VRK3: variants seen among roughly 807,000 people sequenced by gnomAD.
The protein encoded by VRK3 is VRK serine/threonine kinase 3.
VRK3 carries 50 observed loss-of-function variants against 60.4 expected under a neutral mutation model. That is an observed-to-expected ratio of 0.83 (90% confidence interval 0.66 to 1.05). VRK3 has a LOEUF of 1.05. Ranked by LOEUF, VRK3 falls within the 50% of genes least tolerant of loss-of-function variation. The pLI is 0.00. For missense variants in VRK3, 549 were observed against 585.3 expected (o/e 0.94, Z 0.64); for synonymous variants, 246 against 227.8 (o/e 1.08, Z -0.72).
chr19:49,977,501 C>T (rs1017234980), intron 14 of VRK3, among the ~76,000 whole-genome samples: 9 of 152,066 alleles, frequency 5.9e-5, no homozygotes, highest in South Asian at 2.1e-4. Flanking sequence ...GTGGCACTGA[C>T]GACGGGAAGC....
At chr19:50,008,205 T>A (rs2076932739) in intron 4 of VRK3, among the ~76,000 whole-genome samples, 1 of 152,088 alleles carries the variant, frequency 6.6e-6, no homozygotes, top group Non-Finnish European at 1.5e-5. Context: ...TGAGGAGAAG[T>A]TTGCCAGGGA....
intron 10 of VRK3, among the ~76,000 whole-genome samples, chr19:49,991,468 G>A (rs1274107698): frequency 6.6e-6 from 1 of 151,780 alleles, no homozygotes; most frequent in African/African-American, 2.4e-5. Flanking sequence ...AAGAATCTCA[G>A]GACTGCTTAG....
At chr19:49,998,049 A>G (rs965903588) in intron 6 of VRK3, 1 of 152,560 alleles carries the variant, frequency 6.6e-6, no homozygotes, top group African/African-American at 2.4e-5. Context: ...TGCGTTGAAA[A>G]TGTTGGTGCA....
chr19:49,988,283 C>A, intron 12 of VRK3, 89 bp downstream of exon 12: 1 of 1,528,324 alleles, frequency 6.5e-7, no homozygotes, highest in Non-Finnish European at 8.8e-7. Flanking sequence ...CTCCCCTTCC[C>A]TCCTGCTCCC....
intron 5 of VRK3, 145 bp downstream of exon 5, chr19:50,007,424 G>C: frequency 8.1e-7 from 1 of 1,241,186 alleles, no homozygotes; most frequent in Non-Finnish European, 1.1e-6. Flanking sequence ...GGTAGGTATA[G>C]AGTCCAAGGT....
intron 12 of VRK3, chr19:49,981,824 C>T: frequency 8.5e-7 from 1 of 1,175,690 alleles, no homozygotes; most frequent in Non-Finnish European, 1.1e-6. Flanking sequence ...GCACACTGGT[C>T]AGGGAGCTCG....
At chr19:50,006,635 A>C (rs957774903) in intron 5 of VRK3, among the ~76,000 whole-genome samples, 1 of 152,184 alleles carries the variant, frequency 6.6e-6, no homozygotes. Flanking sequence ...TCGGCCTCCC[A>C]AAGTGCTGGG....
intron 5 of VRK3, among the ~76,000 whole-genome samples, chr19:50,005,090 G>A (rs1392301008): frequency 6.7e-6 from 1 of 148,864 alleles, no homozygotes; most frequent in East Asian, 1.9e-4. Flanking sequence ...ACCCTGTACA[G>A]TTTTCCAAGT....
chr19:50,007,774 C>T lies in VRK3; in HGVS notation c.342G>A (p.Lys114=). 6.2e-7 allele frequency: 1 copy of T among 1,614,092 alleles called. No homozygotes were observed. The highest frequency in any genetic ancestry group is 1.1e-5 in the South Asian group (1 of 91,010). Residue 114 remains lysine, a synonymous_variant, in exon 5 of 15, where the codon AAG becomes AAA. Transcript: ENST00000316763. ...TPKSSPQKTR[K]SPQVTRGSPQ... ...GGCTACCCCTGGTCACCTGAGGGCTCTTCCTGGTCTTCTGAGGGCTGCTTT... is the reference window on the plus strand; with the variant it reads ...GGCTACCCCTGGTCACCTGAGGGCTTTTCCTGGTCTTCTGAGGGCTGCTTT...
chr19:49,998,931 A>G lies in VRK3; in HGVS notation c.613-1361T>C, dbSNP rs2076751076. 2 of 136,608 alleles carry G rather than the reference A, an allele frequency of 1.5e-5. 1 individual carries two copies. The highest frequency in any genetic ancestry group is 5.1e-4 in the South Asian group (2 of 3,952). 8.5% of individuals were successfully genotyped at this position (136,608 alleles called of 1,614,324 possible). A position where few individuals can be genotyped will look rare whatever the true frequency, so the allele number is the denominator to read the frequency against. On this transcript the variant is annotated intron_variant, in intron 6 of 14. Transcript: ENST00000316763. ...CCAGACCAACCTGGGCAACACAGGA[A>G]GACCCCATCTCTACCAGAAAAAAAA...
chr19:50,016,027 G>A lies in VRK3; in HGVS notation c.136C>T (p.Gln46Ter). ...GGCTCAATGCTCTGGTTCTTACCTT[G>A]GAAGGATGACACATGTGGATTGACA... ...TFVNPHVSSFQGSKRGLNSSF... is the reference protein window; with the variant it reads ...TFVNPHVSSF Residue 46 changes from glutamine to a stop codon, truncating the protein, a stop_gained, in exon 3 of 15, where the codon CAA becomes TAA. Transcript: ENST00000316763. LOFTEE classifies it high-confidence loss of function. The A allele has an allele frequency of 1.9e-6, 3 of 1,614,112 alleles. No individual in the cohort carries two copies.
rs1369944110 is a variant in VRK3 at position 50,000,790 on chromosome 19, C to T, written c.612G>A (p.Leu204=). 1.2e-6 allele frequency: 2 copies of T among 1,612,918 alleles called. No homozygotes were observed. The highest frequency in any genetic ancestry group is 2.2e-5 in the East Asian group (1 of 44,842). ...GPQKQKFSLK[L]DAKDGRLFNE... is the part of the protein sequence containing the mutation. ...GCCCCCCACCTGCAGGGTCACTTACCAGTTTGAGTGAGAACTTTTGCTTCT... is the reference window on the plus strand; with the variant it reads ...GCCCCCCACCTGCAGGGTCACTTACTAGTTTGAGTGAGAACTTTTGCTTCT... Residue 204 remains leucine (L), a splice_region_variant and synonymous_variant, in exon 6 of 15, where the codon CTG becomes CTA. Coordinates refer to ENST00000316763, the MANE Select transcript of VRK3 (RefSeq NM_016440.4).
At chr19:49,980,684 T>C (rs1472826752) in intron 13 of VRK3, among the ~76,000 whole-genome samples, 1 of 151,870 alleles carries the variant, frequency 6.6e-6, no homozygotes, top group Non-Finnish European at 1.5e-5. Context: ...ACCATTGCAC[T>C]CTAGCCTGGA....
At chr19:49,980,507 G>C (rs2076404427) in intron 13 of VRK3, among the ~76,000 whole-genome samples, 1 of 152,116 alleles carries the variant, frequency 6.6e-6, no homozygotes, top group African/African-American at 2.4e-5. Flanking sequence ...GTTGAGGCCA[G>C]GGGTTCGAGA....
At chr19:49,993,652 G>A (rs777909914) in intron 9 of VRK3, among the ~76,000 whole-genome samples, 2 of 152,062 alleles carry the variant, frequency 1.3e-5, no homozygotes, top group African/African-American at 2.4e-5. Context: ...CACCTGCCTC[G>A]TCCTCCCAAA....
At chr19:50,004,537 G>C (rs1478182959) in intron 5 of VRK3, among the ~76,000 whole-genome samples, 1 of 152,138 alleles carries the variant, frequency 6.6e-6, no homozygotes, top group Admixed American at 6.5e-5. Flanking sequence ...TCCTCTCTCT[G>C]TACCCCAGTT....
chr19:49,990,681 T>A lies in VRK3; in HGVS notation c.964-910A>T, dbSNP rs371198781. ...AATGGCTGCATCTTATTCCACCATA[T>A]GGATAGTGGACAACTGTTGGTTTTG... On this transcript the variant is annotated intron_variant, in intron 10 of 14. Coordinates refer to ENST00000316763, the MANE Select transcript of VRK3 (RefSeq NM_016440.4). Among the ~76,000 whole-genome samples the A allele has an allele frequency of 1.8e-4, 28 of 152,296 alleles. No individual in the cohort carries two copies. In the East Asian group the frequency reaches 3.5e-3, roughly 19 times the overall value.
At chr19:50,006,476 C>A (rs944107819) in intron 5 of VRK3, among the ~76,000 whole-genome samples, 1 of 151,556 alleles carries the variant, frequency 6.6e-6, no homozygotes, top group Non-Finnish European at 1.5e-5. Flanking sequence ...CCCGGGTTCA[C>A]GCCATTCTCC....
intron 5 of VRK3, among the ~76,000 whole-genome samples, chr19:50,004,720 C>A (rs2122356555): frequency 6.6e-6 from 1 of 152,128 alleles, no homozygotes; most frequent in South Asian, 2.1e-4. Context: ...CCAGCCTGGG[C>A]AACACAGTGA....
Sources: gnomAD v4.1 joint callset for allele counts (sites outside exome capture counted in the v4.1 genomes callset) on GRCh38, gnomAD v4.1.1 for gene constraint, MANE v1.5 for transcripts, NCBI Gene and HGNC (gene_info 2026-07-23, HGNC 2026-07-21) for gene names.